ADCY7: variants seen among roughly 807,000 people sequenced by gnomAD.
ADCY7 encodes the protein adenylate cyclase 7, also known as adenylate cyclase type 7.
ADCY7 carries 72 observed loss-of-function variants against 120.6 expected under a neutral mutation model. The observed-to-expected ratio is 0.60, with a 90% confidence interval of 0.49 to 0.73. The LOEUF (loss-of-function observed/expected upper bound fraction) is 0.73. Ranked by LOEUF, ADCY7 falls within the 30% of genes least tolerant of loss-of-function variation. The pLI is 0.00. For missense variants in ADCY7, 1,227 were observed against 1,486.0 expected (o/e 0.83, Z 2.87); for synonymous variants, 661 against 628.0 (o/e 1.05, Z -0.78).
chr16:50,310,356 G>C (rs1455425695), intron 18 of ADCY7: 7 of 1,051,342 alleles, frequency 6.7e-6, no homozygotes, highest in Non-Finnish European at 9.9e-6. Flanking sequence ...GCAGGGCAGA[G>C]GTCCTTTGGG....
intron 1 of ADCY7, among the ~76,000 whole-genome samples, chr16:50,260,767 C>T (rs1259037801): frequency 2.0e-5 from 3 of 152,186 alleles, no homozygotes; most frequent in East Asian, 1.9e-4. Context: ...CTCCGTTCCT[C>T]GAACACAGAT....
intron 1 of ADCY7, among the ~76,000 whole-genome samples, chr16:50,252,483 G>T (rs1245860976): frequency 2.6e-5 from 4 of 152,160 alleles, no homozygotes; most frequent in African/African-American, 4.8e-5. Flanking sequence ...TTGTGTGCCT[G>T]GGTAGGCATT....
rs754298544 is a variant in ADCY7 at position 50,308,700 on chromosome 16, A to G, written c.1969A>G (p.Ile657Val). The G allele has an allele frequency of 2.0e-5, 33 of 1,613,514 alleles. No homozygotes were observed. In the East Asian group the frequency reaches 6.9e-4, roughly 34 times the overall value. The change falls in exon 17 of 26, where the codon ATC becomes GTC. Residue 657 changes from isoleucine (I) to valine (V), a missense_variant. Physicochemically the swap from Ile to Val is conservative, Grantham distance 29. This residue lies in a region of ADCY7 where 267 missense variants were observed against 270.0 expected (regional missense o/e 0.99). Transcript: ENST00000673801. ...CCCAGCTCGGGGGACGCTCTGCACTATCTCTGAGAGGGTGGAGACACAGCC... is the reference window on the plus strand; with the variant it reads ...CCCAGCTCGGGGGACGCTCTGCACTGTCTCTGAGAGGGTGGAGACACAGCC... ...CCPARGTLCT[I>V]SERVETQPLL...
At chr16:50,271,006 C>T (rs111867134) in intron 1 of ADCY7, among the ~76,000 whole-genome samples, 5 of 152,234 alleles carry the variant, frequency 3.3e-5, no homozygotes, top group Non-Finnish European at 4.4e-5. Flanking sequence ...CTGCTGCACA[C>T]GGATTTCTCA....
chr16:50,248,974 T>C (rs1596782634), intron 1 of ADCY7, among the ~76,000 whole-genome samples: 1 of 152,320 alleles, frequency 6.6e-6, no homozygotes, highest in East Asian at 1.9e-4. Flanking sequence ...GTTGGGAAGC[T>C]ATCTGGGTCC....
Position 50,304,428 on chromosome 16 carries a change from G to T in ADCY7, c.1437G>T (p.Arg479=). ...RPKGDAALKM[R]ASVRMTRYLE... is the part of the protein sequence containing the mutation. ...AGGGGGACGCGGCCCTGAAGATGCG[G>T]GCGTCAGTGCGCATGACCCGGTACC... is the stretch of plus-strand genomic sequence containing the variant. Residue 479 remains arginine (R), a synonymous_variant, in exon 11 of 26, where the codon CGG becomes CGT. Transcript: ENST00000673801. 6.2e-7 allele frequency: 1 copy of T among 1,604,210 alleles called. No homozygotes were observed. Among genetic ancestry groups the T allele is most frequent in the Non-Finnish European group, 8.5e-7 (1 of 1,175,328 alleles).
At chr16:50,282,043 C>T (rs917113235) in intron 1 of ADCY7, among the ~76,000 whole-genome samples, 1 of 152,186 alleles carries the variant, frequency 6.6e-6, no homozygotes, top group African/African-American at 2.4e-5. Context: ...TGAGCGGGGC[C>T]TCTTCCCTGG....
At chr16:50,270,240 T>C (rs548696174) in intron 1 of ADCY7, among the ~76,000 whole-genome samples, 5 of 150,288 alleles carry the variant, frequency 3.3e-5, no homozygotes, top group African/African-American at 9.8e-5. Flanking sequence ...AACAGATAGA[T>C]AGACACATGT....
intron 10 of ADCY7, among the ~76,000 whole-genome samples, chr16:50,302,947 A>C (rs921412970): frequency 3.3e-5 from 5 of 152,232 alleles, no homozygotes; most frequent in Admixed American, 2.0e-4. Flanking sequence ...TGGCTGGGGC[A>C]AGGTGGGCTC....
intron 24 of ADCY7, 149 bp from the exon 25 acceptor site, chr16:50,314,856 CCGACTGCAA>C: frequency 1.0e-6 from 1 of 967,368 alleles, no homozygotes; most frequent in Non-Finnish European, 1.5e-6. Flanking sequence ...TACCCCAAGC[CCGACTGCAA>C]CGCAGTGACT....
At position 50,305,795 on chromosome 16, in the gene ADCY7, C is replaced by CGAT. The variant is rs2036024996; in HGVS notation, c.1701_1703dup (p.Asp568dup). ...CCCACAGGCCCTGCTGCTCCAAGTC[C>CGAT]GATGACTTCTACACCTTTGGGTCCA... is the stretch of plus-strand genomic sequence containing the variant. On this transcript the variant is annotated inframe_insertion, in exon 14 of 26. Coordinates refer to ENST00000673801, the MANE Select transcript of ADCY7 (RefSeq NM_001114.5). 6.2e-7 allele frequency: 1 copy of CGAT among 1,613,866 alleles called. No individual in the cohort carries two copies. Among genetic ancestry groups the CGAT allele is most frequent in the Admixed American group, 1.7e-5 (1 of 59,998 alleles).
chr16:50,278,546 T>TC lies in ADCY7; in HGVS notation c.-268-9366_-268-9365insC, dbSNP rs2034046585. Reference sequence around the variant, plus strand: ...TTTTGATTGTGCTTTTGGTAATTTTTACCATGTATATTTTGTTTTTTCATG... The same window carrying TC: ...TTTTGATTGTGCTTTTGGTAATTTTTCACCATGTATATTTTGTTTTTTCATG... On this transcript the variant is annotated intron_variant, in intron 1 of 25. Coordinates refer to ENST00000673801, the MANE Select transcript of ADCY7 (RefSeq NM_001114.5). 2.0e-5 allele frequency among the ~76,000 whole-genome samples: 3 copies of TC among 152,376 alleles called. No homozygotes were observed. In the East Asian group the frequency reaches 5.8e-4, roughly 29 times the overall value.
chr16:50,288,398 C>T (rs77503487), intron 2 of ADCY7, 48 bp downstream of exon 2: 16,925 of 1,476,842 alleles, frequency 0.011, 99 homozygotes, highest in Non-Finnish European at 0.014. Context: ...CCAACCTTGG[C>T]CAAGCTGCTA....
chr16:50,311,108 G>C (rs1047742812), intron 19 of ADCY7, among the ~76,000 whole-genome samples: 1 of 152,178 alleles, frequency 6.6e-6, no homozygotes. Context: ...CCAGTCTAGT[G>C]GTGGGGAGGG....
At chr16:50,299,380 G>A (rs1298293351) in intron 8 of ADCY7, among the ~76,000 whole-genome samples, 1 of 152,240 alleles carries the variant, frequency 6.6e-6, no homozygotes, top group Non-Finnish European at 1.5e-5. Flanking sequence ...CCGACCCAGG[G>A]GTCGACTCCA....
rs981857156 is a variant in ADCY7, at chr16:50,298,947, A to G, written c.992A>G (p.Tyr331Cys). 4 of 1,613,910 alleles carry G rather than the reference A, an allele frequency of 2.5e-6. No individual in the cohort carries two copies. The highest frequency in any genetic ancestry group is 2.5e-6 in the Non-Finnish European group (3 of 1,179,978). ...MRIKILGDCY[Y>C]CVSGLPVSLP... is the part of the protein sequence containing the mutation. ...ATCAAGATCCTCGGCGACTGCTACT[A>G]CTGTGTATCGGGCCTGCCCGTGTCG... Residue 331 changes from tyrosine to cysteine, a missense_variant, in exon 8 of 26, where the codon TAC (tyrosine) becomes TGC (cysteine). This residue lies in a region of ADCY7 where 332 missense variants were observed against 455.8 expected (regional missense o/e 0.73). Coordinates refer to ENST00000673801, the MANE Select transcript of ADCY7 (RefSeq NM_001114.5).
rs140743762 is a variant in ADCY7 at position 50,292,090 on chromosome 16, G to A, written c.537+193G>A. ...GGCGTGGCCCTGCCCTCTGGCCTTT[G>A]CTTTGCTGGCCTAGGGCTCCCCTGT... is the stretch of plus-strand genomic sequence containing the variant. On this transcript the variant is annotated intron_variant, in intron 4 of 25. Coordinates refer to ENST00000673801, the MANE Select transcript of ADCY7 (RefSeq NM_001114.5). 5.8e-4 allele frequency among the ~76,000 whole-genome samples: 88 copies of A among 152,324 alleles called. No homozygotes were observed. The East Asian group carries it at 0.014, about 24-fold the overall frequency.
At chr16:50,274,597 G>A (rs1596837690) in intron 1 of ADCY7, among the ~76,000 whole-genome samples, 1 of 152,274 alleles carries the variant, frequency 6.6e-6, no homozygotes, top group Non-Finnish European at 1.5e-5. Flanking sequence ...GGGTCTTAGC[G>A]CCTTGGTTTG....
intron 11 of ADCY7, 104 bp downstream of exon 11, chr16:50,304,655 T>C: frequency 8.0e-7 from 1 of 1,249,620 alleles, no homozygotes; most frequent in Non-Finnish European, 1.1e-6. Context: ...ACTGTCCCCA[T>C]CTGTAAAATG....
Sources: allele counts gnomAD v4.1 joint callset (sites outside exome capture counted in the v4.1 genomes callset), GRCh38; gene constraint gnomAD v4.1.1; regional missense constraint gnomAD v4.1.1; transcripts MANE v1.5; gene names NCBI Gene and HGNC (gene_info 2026-07-23, HGNC 2026-07-21).